ATP10D: variants seen among roughly 807,000 people sequenced by gnomAD.
The protein encoded by ATP10D is ATPase phospholipid transporting 10D (putative).
ATP10D carries 89 observed loss-of-function variants against 144.8 expected under a neutral mutation model. The observed-to-expected ratio is 0.61, with a 90% CI of 0.52 to 0.73. The LOEUF is 0.73. ATP10D is among the 30% of genes least tolerant of loss of function. The pLI, the probability that ATP10D is intolerant of heterozygous loss-of-function variation, is 0.00. For missense variants in ATP10D, 1,603 were observed against 1,714.8 expected (o/e 0.93, Z 1.15); for synonymous variants, 571 against 615.1 (o/e 0.93, Z 1.06).
chr4:47,591,326 A>C lies in ATP10D; in HGVS notation c.4226A>C (p.Tyr1409Ser). The change falls in exon 23 of 23, where the codon TAC (tyrosine) becomes TCC (serine). Residue 1409 changes from tyrosine (Y) to serine (S), a missense_variant. Tyr to Ser is a moderately radical substitution (Grantham distance 144). Coordinates refer to ENST00000273859, the MANE Select transcript of ATP10D (RefSeq NM_020453.4). ...TGTGAAACTGCTTTAGATCAAGGCT[A>C]CTCTGAAACTAAGGCCTTTGAGATG... ...SLCETALDQG[Y>S]SETKAFEMAG... 2 of 1,612,386 alleles carry C rather than the reference A, an allele frequency of 1.2e-6. No individual in the cohort carries two copies. The highest frequency in any genetic ancestry group is 1.7e-6 in the Non-Finnish European group (2 of 1,178,562).
chr4:47,565,609 AT>A (rs1719588413), intron 15 of ATP10D, among the ~76,000 whole-genome samples: 1 of 152,164 alleles, frequency 6.6e-6, no homozygotes, highest in Non-Finnish European at 1.5e-5. Flanking sequence ...TGAGCATTAA[AT>A]GAAAAAATAT....
rs774382459 is a variant in ATP10D at position 47,558,128 on chromosome 4, A to C, written c.2289A>C (p.Thr763=). 6.2e-7 allele frequency: 1 copy of C among 1,614,158 alleles called. No homozygotes were observed. The highest frequency in any genetic ancestry group is 8.5e-7 in the Non-Finnish European group (1 of 1,180,028). ...ACTTTGCTGCTTTGGGACCATTAACATTTCAACTCCTACACATCCTGCCCT... is the reference window on the plus strand; with the variant it reads ...ACTTTGCTGCTTTGGGACCATTAACCTTTCAACTCCTACACATCCTGCCCT... The part of the protein sequence containing the change: ...MVDFAALGPL[T]FQLLHILPFD... Residue 763 remains threonine, a synonymous_variant, in exon 12 of 23, where the codon ACA becomes ACC. Transcript: ENST00000273859.
chr4:47,514,438 A>G (rs777591716), intron 2 of ATP10D, among the ~76,000 whole-genome samples: 2 of 152,252 alleles, frequency 1.3e-5, no homozygotes, highest in Non-Finnish European at 2.9e-5. Flanking sequence ...AGAAATTTTC[A>G]GAGTAAAAAG....
Position 47,569,151 on chromosome 4 carries a change from G to A in ATP10D, c.3163+5G>A. ...AGGTGATGACCCTTGCTATTGGTGA[G>A]TGAGGATGAATCTGAGTCCTGCTCT... On this transcript the variant is annotated splice_donor_5th_base_variant and intron_variant, in intron 16 of 22. Coordinates refer to ENST00000273859, the MANE Select transcript of ATP10D (RefSeq NM_020453.4). 2 of 1,610,414 alleles carry A rather than the reference G, an allele frequency of 1.2e-6. No homozygotes were observed. Among genetic ancestry groups the A allele is most frequent in the Non-Finnish European group, 1.7e-6 (2 of 1,178,038 alleles).
intron 3 of ATP10D, 53 bp downstream of exon 3, chr4:47,515,723 T>G: frequency 7.2e-7 from 1 of 1,392,070 alleles, no homozygotes; most frequent in African/African-American, 1.4e-5. Flanking sequence ...TTGAGAAATA[T>G]GCAGAATGTT....
chr4:47,513,710 G>A (rs1438731286), intron 2 of ATP10D, among the ~76,000 whole-genome samples: 1 of 152,198 alleles, frequency 6.6e-6, no homozygotes, highest in Non-Finnish European at 1.5e-5. Flanking sequence ...AGGAAGTAAA[G>A]TCAGAAAGAT....
At chr4:47,565,660 A>G (rs1025677566) in intron 15 of ATP10D, among the ~76,000 whole-genome samples, 2 of 152,220 alleles carry the variant, frequency 1.3e-5, no homozygotes, top group African/African-American at 4.8e-5. Flanking sequence ...AGAGGGGTTC[A>G]GTAAGCATTA....
chr4:47,549,690 A>G (rs1427479086), intron 10 of ATP10D, among the ~76,000 whole-genome samples: 1 of 152,256 alleles, frequency 6.6e-6, no homozygotes. Flanking sequence ...CATAGTAGTT[A>G]ATCCAAAGTA....
At chr4:47,503,941 T>A (rs755542413) in intron 1 of ATP10D, among the ~76,000 whole-genome samples, 48 of 146,840 alleles carry the variant, frequency 3.3e-4, no homozygotes, top group Middle Eastern at 3.5e-3. Context: ...AAAATAAAAT[T>A]AAGTACTTTA....
intron 9 of ATP10D, among the ~76,000 whole-genome samples, chr4:47,541,116 A>G (rs1023567737): frequency 7.2e-5 from 11 of 152,230 alleles, no homozygotes; most frequent in African/African-American, 2.7e-4. Context: ...CAATGACACT[A>G]TCTATCTCAT....
intron 10 of ATP10D, among the ~76,000 whole-genome samples, chr4:47,550,367 G>A (rs373993166): frequency 7.9e-5 from 12 of 152,084 alleles, no homozygotes; most frequent in Admixed American, 6.5e-4. Flanking sequence ...ACTATTAGAG[G>A]GCAAAGGGAG....
intron 11 of ATP10D, chr4:47,557,092 T>A (rs1171760591): frequency 6.6e-6 from 1 of 152,138 alleles, no homozygotes; most frequent in Non-Finnish European, 1.5e-5. Flanking sequence ...TACTTGTTAC[T>A]TTTTTTATAC....
intron 1 of ATP10D, among the ~76,000 whole-genome samples, chr4:47,503,709 C>T (rs969372577): frequency 3.9e-5 from 6 of 151,946 alleles, no homozygotes; most frequent in African/African-American, 1.5e-4. Flanking sequence ...CCAACCTGGG[C>T]AGTATAGAAA....
rs1719360470 is a variant in ATP10D, at chr4:47,562,395, T to G, written c.2669-1186T>G. 1.3e-5 allele frequency among the ~76,000 whole-genome samples: 2 copies of G among 152,152 alleles called. 1 individual carries two copies. The highest frequency in any genetic ancestry group is 4.1e-4 in the South Asian group (2 of 4,830). ...CTTTAAAGGACATGAACAGACATTTTTCTAAAGAAGACAACAACAAGTGGC... is the reference window on the plus strand; with the variant it reads ...CTTTAAAGGACATGAACAGACATTTGTCTAAAGAAGACAACAACAAGTGGC... On this transcript the variant is annotated intron_variant, in intron 14 of 22. Transcript: ENST00000273859.
At chr4:47,586,927 T>C (rs1720815908) in intron 21 of ATP10D, 92 bp from the exon 22 acceptor site, 1 of 1,109,632 alleles carries the variant, frequency 9.0e-7, no homozygotes, top group Admixed American at 1.9e-5. Context: ...AGTGCTTAGA[T>C]GTGTTGTCTC....
intron 1 of ATP10D, among the ~76,000 whole-genome samples, chr4:47,493,158 CT>C (rs1715171428): frequency 6.6e-6 from 1 of 152,096 alleles, no homozygotes; most frequent in Non-Finnish European, 1.5e-5. Context: ...AATAATTGCC[CT>C]ATTTCTTGTA....
At chr4:47,587,443 A>G (rs1428780570) in intron 22 of ATP10D, among the ~76,000 whole-genome samples, 1 of 152,172 alleles carries the variant, frequency 6.6e-6, no homozygotes, top group East Asian at 1.9e-4. Flanking sequence ...GACAGTTTAC[A>G]GGGATAGGGT....
intron 21 of ATP10D, among the ~76,000 whole-genome samples, chr4:47,585,680 C>T (rs897238714): frequency 6.6e-6 from 1 of 152,286 alleles, no homozygotes. Flanking sequence ...CATCCTTCTA[C>T]TTTCTATGTC....
intron 9 of ATP10D, 31 bp from the exon 10 acceptor site, chr4:47,546,593 A>T: frequency 6.3e-7 from 1 of 1,590,362 alleles, no homozygotes; most frequent in Non-Finnish European, 8.6e-7. Context: ...CTCTTCTCAG[A>T]CATTGACTCA....
Sources: gnomAD v4.1 joint callset for allele counts (sites outside exome capture counted in the v4.1 genomes callset) on GRCh38, gnomAD v4.1.1 for gene constraint, MANE v1.5 for transcripts, NCBI Gene and HGNC (gene_info 2026-07-23, HGNC 2026-07-21) for gene names.